The following ANO1 variants were observed in gnomAD, a reference collection of about 807,000 sequenced individuals.
The protein encoded by ANO1 is anoctamin 1.
In ANO1, 59 loss-of-function variants were observed where a neutral mutation model predicts 124.0. The ratio of observed to expected loss-of-function variants is 0.48; its 90% CI spans 0.39 to 0.59. The LOEUF is 0.59. Among genes scored for constraint, ANO1 ranks in the 20% least tolerant of loss-of-function variants. The pLI is 0.00. For missense variants in ANO1, 1,059 were observed against 1,328.0 expected, an observed-to-expected ratio of 0.80 and a Z score of 3.15; for synonymous variants, 529 against 532.0, an observed-to-expected ratio of 0.99 and a Z score of 0.08.
At chr11:69,988,344 C>T (rs1449526314) in intron 1 of ANO1, among the ~76,000 whole-genome samples, 1 of 152,216 alleles carries the variant, frequency 6.6e-6, no homozygotes, top group African/African-American at 2.4e-5. Context: ...TCAATCCCAG[C>T]TTTGCCGCCT....
chr11:70,095,418 G>GGAAGA (rs2044898265), intron 2 of ANO1, among the ~76,000 whole-genome samples: 1 of 63,298 alleles, frequency 1.6e-5, no homozygotes, highest in South Asian at 5.2e-4. Flanking sequence ...AAGAAAGAAA[G>GGAAGA]AAAGAAAGAA....
intron 11 of ANO1, among the ~76,000 whole-genome samples, chr11:70,132,533 C>T (rs569890895): frequency 1.7e-4 from 26 of 152,286 alleles, no homozygotes; most frequent in South Asian, 1.0e-3. Flanking sequence ...TGCCCATTTT[C>T]GGATAAGGAG....
intron 22 of ANO1, among the ~76,000 whole-genome samples, chr11:70,174,961 A>G (rs1274364357): frequency 1.3e-5 from 2 of 151,998 alleles, no homozygotes; most frequent in Non-Finnish European, 2.9e-5. Flanking sequence ...TGCAGCCCAC[A>G]CTGAGTCCTC....
chr11:70,164,482 G>C (rs1203232261), intron 19 of ANO1, among the ~76,000 whole-genome samples: 5 of 152,156 alleles, frequency 3.3e-5, no homozygotes. Flanking sequence ...TGTCACACTC[G>C]TCCCGGGTCA....
the ANO1 span, among the ~76,000 whole-genome samples, chr11:69,974,725 G>A: frequency 6.6e-6 from 1 of 152,138 alleles, no homozygotes; most frequent in Non-Finnish European, 1.5e-5. Context: ...AATTTATGGT[G>A]CCTGTGAAAT....
At chr11:70,045,073 A>G (rs1054506867) in intron 1 of ANO1, among the ~76,000 whole-genome samples, 1 of 152,254 alleles carries the variant, frequency 6.6e-6, no homozygotes, top group Non-Finnish European at 1.5e-5. Context: ...AAATGGGGAT[A>G]TGAGAAGACA....
At chr11:70,180,199 A>G (rs2048878590) in intron 23 of ANO1, 143 bp downstream of exon 23, 17 of 753,488 alleles carry the variant, frequency 2.3e-5, no homozygotes, top group South Asian at 2.2e-4. Context: ...CTCTAGTTAT[A>G]AATGTCCCTT....
rs1253195741 is a variant in ANO1, at chr11:70,105,784, C to T, written c.743C>T (p.Thr248Met). The T allele has an allele frequency of 5.0e-6, 8 of 1,613,444 alleles. No individual in the cohort carries two copies. Among genetic ancestry groups the T allele is most frequent in the Non-Finnish European group, 6.8e-6 (8 of 1,179,704 alleles). The change falls in exon 5 of 26, where the codon ACG (threonine) becomes ATG (methionine). Residue 248 changes from threonine (T) to methionine (M), a missense_variant. Physicochemically the swap from Thr to Met is moderately conservative, Grantham distance 81. Around this residue, in one of 2 missense-constraint regions of ANO1, gnomAD observed 809 missense variants for 1,094.9 expected, o/e 0.74. Transcript: ENST00000355303. The stretch of plus-strand genomic sequence containing the variant: ...TTTTTCGACAGCAAAACCCGGAGCA[C>T]GATTGTAAGTATCGCACGCGCCTGG... ...DSFFDSKTRS[T>M]IVYEILKRTT...
chr11:69,981,114 T>C (rs1330296085), upstream of ANO1, among the ~76,000 whole-genome samples: 1 of 152,168 alleles, frequency 6.6e-6, no homozygotes, highest in East Asian at 1.9e-4. Flanking sequence ...AAGAAAAATA[T>C]GAAGGCAGTT....
chr11:70,000,485 G>A (rs1371938919), intron 1 of ANO1, among the ~76,000 whole-genome samples: 6 of 114,552 alleles, frequency 5.2e-5, no homozygotes, highest in Non-Finnish European at 1.2e-4. Context: ...ACACCCACCT[G>A]AGGGGCTGAA....
At chr11:70,104,185 T>C (rs756342690) in intron 4 of ANO1, 35 bp downstream of exon 4, 1 of 1,588,776 alleles carries the variant, frequency 6.3e-7, no homozygotes, top group Non-Finnish European at 8.6e-7. Context: ...CCCCAAAGGG[T>C]CCTGTGTGTG....
chr11:70,165,698 GAA>G, intron 20 of ANO1, 128 bp downstream of exon 20: 1 of 763,310 alleles, frequency 1.3e-6, no homozygotes, highest in Admixed American at 2.6e-5. Context: ...AGCAGGGAGA[GAA>G]GGAGGACACA....
upstream of ANO1, chr11:70,078,256 A>G (rs1054386517): frequency 6.6e-6 from 1 of 152,420 alleles, no homozygotes; most frequent in Non-Finnish European, 1.5e-5. Flanking sequence ...CGGCGCGGCC[A>G]CCGCCCCTGC....
intron 15 of ANO1, among the ~76,000 whole-genome samples, chr11:70,156,547 G>A (rs2047824748): frequency 6.6e-6 from 1 of 152,168 alleles, no homozygotes; most frequent in Non-Finnish European, 1.5e-5. Context: ...ATTATGGTCT[G>A]GGTGGCACTG....
At chr11:69,991,256 C>A (rs1856148726) in intron 1 of ANO1, among the ~76,000 whole-genome samples, 1 of 152,188 alleles carries the variant, frequency 6.6e-6, no homozygotes, top group Non-Finnish European at 1.5e-5. Flanking sequence ...TTAATAATTA[C>A]AACAATCACA....
intron 13 of ANO1, among the ~76,000 whole-genome samples, 182 bp downstream of exon 13, chr11:70,152,643 G>A (rs991320061): frequency 3.3e-5 from 5 of 152,116 alleles, no homozygotes; most frequent in South Asian, 2.1e-4. Context: ...AGCACCCTTC[G>A]CTGACCTGCG....
At chr11:70,037,109 A>C (rs1857107663) in intron 1 of ANO1, among the ~76,000 whole-genome samples, 1 of 152,172 alleles carries the variant, frequency 6.6e-6, no homozygotes, top group African/African-American at 2.4e-5. Flanking sequence ...TCCCTAACAC[A>C]GAAGTCCCTG....
chr11:70,036,401 C>T (rs1555004409), intron 1 of ANO1, among the ~76,000 whole-genome samples: 1 of 152,096 alleles, frequency 6.6e-6, no homozygotes, highest in Non-Finnish European at 1.5e-5. Flanking sequence ...CTCTATAAAA[C>T]CCTCATTTCA....
At chr11:70,179,166 A>G (rs540090840) in intron 22 of ANO1, among the ~76,000 whole-genome samples, 1 of 152,326 alleles carries the variant, frequency 6.6e-6, no homozygotes, top group Non-Finnish European at 1.5e-5. Context: ...GTTTCTGACG[A>G]GTGCTGGTTA....
Sources: allele counts gnomAD v4.1 joint callset (sites outside exome capture counted in the v4.1 genomes callset), GRCh38; gene constraint gnomAD v4.1.1; regional missense constraint gnomAD v4.1.1; transcripts MANE v1.5; gene names NCBI Gene and HGNC (gene_info 2026-07-23, HGNC 2026-07-21).